Variants in SYNE1 observed in about 807,000 individuals in gnomAD.
The protein encoded by SYNE1 is nesprin-1.
A neutral mutation model predicts 1,111.0 loss-of-function variants in SYNE1; 616 were observed. The observed-to-expected ratio is 0.55, with a 90% CI of 0.52 to 0.59. The LOEUF is 0.59. Among genes scored for constraint, SYNE1 ranks in the 20% least tolerant of loss-of-function variants. The probability of loss-of-function intolerance (pLI) is 0.00; values close to 1 mark genes in which losing one functional copy is unlikely to be tolerated. For missense variants in SYNE1, 10,006 were observed against 10,417.0 expected (o/e 0.96, Z 1.72); for synonymous variants, 3,855 against 3,825.8 (o/e 1.01, Z -0.28).
chr6:152,212,815 T>C (rs1010883013), intron 123 of SYNE1, among the ~76,000 whole-genome samples: 1 of 152,214 alleles, frequency 6.6e-6, no homozygotes, highest in African/African-American at 2.4e-5. Context: ...ATTATAGTCA[T>C]CCTTGTGGGT....
chr6:152,235,408 C>T (rs1195720485), intron 110 of SYNE1, among the ~76,000 whole-genome samples: 2 of 152,228 alleles, frequency 1.3e-5, no homozygotes, highest in Non-Finnish European at 2.9e-5. Context: ...GTTGCCCAGG[C>T]TGGAGTGCAA....
At chr6:152,483,342 TTTAAG>T in intron 13 of SYNE1, 93 bp from the exon 14 acceptor site, 2 of 1,067,670 alleles carry the variant, frequency 1.9e-6, no homozygotes, top group Non-Finnish European at 2.8e-6. Flanking sequence ...TACATAAAGC[TTTAAG>T]TTAATGATTT....
At chr6:152,476,867 T>TA (rs4034729) in intron 14 of SYNE1, among the ~76,000 whole-genome samples, 5 of 140,792 alleles carry the variant, frequency 3.6e-5, no homozygotes, top group Non-Finnish European at 7.7e-5. Context: ...AGACCCTATC[T>TA]AAAAAAAAAA....
At chr6:152,327,730 A>G (rs965654172) in intron 78 of SYNE1, among the ~76,000 whole-genome samples, 1 of 152,240 alleles carries the variant, frequency 6.6e-6, no homozygotes, top group African/African-American at 2.4e-5. Flanking sequence ...ACATCTTAGT[A>G]GATTTAAGAG....
chr6:152,609,769 C>T (rs2099626121), intron 3 of SYNE1, among the ~76,000 whole-genome samples: 1 of 152,146 alleles, frequency 6.6e-6, no homozygotes, highest in Non-Finnish European at 1.5e-5. Flanking sequence ...GATGAAGTTT[C>T]CAGGGGAACG....
At chr6:152,503,545 A>G (rs763170314) in intron 9 of SYNE1, among the ~76,000 whole-genome samples, 2 of 152,230 alleles carry the variant, frequency 1.3e-5, no homozygotes, top group African/African-American at 2.4e-5. Flanking sequence ...TTTAAAGGCA[A>G]TAGAAATGAT....
At chr6:152,426,218 A>C (rs1352905342) in intron 38 of SYNE1, among the ~76,000 whole-genome samples, 2 of 152,258 alleles carry the variant, frequency 1.3e-5, no homozygotes, top group African/African-American at 4.8e-5. Context: ...ATATTAAGTG[A>C]AATGATAGGT....
At chr6:152,307,323 G>A (rs1418813515) in intron 91 of SYNE1, among the ~76,000 whole-genome samples, 1 of 152,016 alleles carries the variant, frequency 6.6e-6, no homozygotes. Context: ...TGGAGAAGAG[G>A]GTGAGATTTT....
chr6:152,302,931 G>T (rs2095248745), intron 91 of SYNE1, among the ~76,000 whole-genome samples: 1 of 151,888 alleles, frequency 6.6e-6, no homozygotes, highest in Non-Finnish European at 1.5e-5. Flanking sequence ...CCTTAAAAAG[G>T]TAACTATAGA....
rs368205399 is a variant in SYNE1, at chr6:152,407,483, A to G, written c.6541-287T>C. ...GTCCATTGGAATCTACTATAACTCA[A>G]TATAAGGTTGAATTCTACAGGACAA... On this transcript the variant is annotated intron_variant, in intron 44 of 145. Transcript: ENST00000367255. Among the ~76,000 whole-genome samples, 33 of 152,284 alleles carry G rather than the reference A, an allele frequency of 2.2e-4. No homozygotes were observed. The East Asian group carries it at 6.2e-3, about 29-fold the overall frequency.
chr6:152,244,765 T>C, intron 105 of SYNE1, 109 bp from the exon 106 acceptor site: 3 of 1,361,754 alleles, frequency 2.2e-6, no homozygotes, highest in Non-Finnish European at 2.1e-6. Context: ...TAAAACATTC[T>C]CAATATATAC....
intron 39 of SYNE1, among the ~76,000 whole-genome samples, chr6:152,422,929 C>A (rs926887827): frequency 3.3e-5 from 5 of 152,176 alleles, no homozygotes; most frequent in African/African-American, 1.2e-4. Context: ...ATATTTTACT[C>A]CAAAATATAT....
chr6:152,627,723 A>G (rs2099688710), intron 3 of SYNE1, among the ~76,000 whole-genome samples: 1 of 152,152 alleles, frequency 6.6e-6, no homozygotes, highest in Non-Finnish European at 1.5e-5. Context: ...TCACTGAGGG[A>G]TGCAGGACTA....
In SYNE1 at chr6:152,206,349, A is replaced by C; in HGVS notation, c.22838T>G (p.Val7613Gly). The change falls in exon 126 of 146, where the codon GTG becomes GGG. Residue 7613 changes from valine to glycine, a missense_variant. This residue lies in a region of SYNE1 where 2,182 missense variants were observed against 2,287.8 expected (regional missense o/e 0.95). Transcript: ENST00000367255. ...LFDEVQFKEK[V>G]FLRQQGSYIL... is the part of the protein sequence containing the mutation. ...GTAGCTGCCTTGTTGCCGCAGAAAC[A>C]CTTTTTCTTTGAACTGAAAGGAACC... 6.2e-7 allele frequency: 1 copy of C among 1,613,766 alleles called. No homozygotes were observed. The highest frequency in any genetic ancestry group is 8.5e-7 in the Non-Finnish European group (1 of 1,179,924).
At chr6:152,394,247 T>C (rs2097695584) in intron 51 of SYNE1, among the ~76,000 whole-genome samples, 1 of 152,232 alleles carries the variant, frequency 6.6e-6, no homozygotes, top group Non-Finnish European at 1.5e-5. Flanking sequence ...TTGGGTTGGT[T>C]CCAAGTCTTT....
chr6:152,350,018 T>G (rs2096714223), intron 72 of SYNE1, 150 bp downstream of exon 72: 1 of 1,034,368 alleles, frequency 9.7e-7, no homozygotes, highest in Admixed American at 2.0e-5. Flanking sequence ...GAAAACGGAC[T>G]AATACAGACC....
chr6:152,602,452 C>T (rs536156067), intron 3 of SYNE1, among the ~76,000 whole-genome samples: 1 of 152,278 alleles, frequency 6.6e-6, no homozygotes, highest in South Asian at 2.1e-4. Flanking sequence ...TTTTGGACTT[C>T]TAGCTTCTAG....
intron 2 of SYNE1, among the ~76,000 whole-genome samples, chr6:152,633,292 G>T (rs571444946): frequency 1.3e-5 from 2 of 152,290 alleles, no homozygotes; most frequent in South Asian, 2.1e-4. Flanking sequence ...AAGGAACTAA[G>T]ATTATGATGC....
intron 3 of SYNE1, among the ~76,000 whole-genome samples, chr6:152,583,902 C>T (rs2099528703): frequency 6.6e-6 from 1 of 152,180 alleles, no homozygotes; most frequent in Admixed American, 6.5e-5. Context: ...GTTTATCCTA[C>T]TCAACATTAC....
Sources: allele counts gnomAD v4.1 joint callset (sites outside exome capture counted in the v4.1 genomes callset), GRCh38; gene constraint gnomAD v4.1.1; regional missense constraint gnomAD v4.1.1; transcripts MANE v1.5; gene names NCBI Gene and HGNC (gene_info 2026-07-23, HGNC 2026-07-21).